Variants in AMMECR1L observed in about 807,000 individuals in gnomAD.
AMMECR1L encodes AMMECR1-like protein.
A neutral mutation model predicts 36.8 loss-of-function variants in AMMECR1L; 4 were observed. The ratio of observed to expected loss-of-function variants is 0.11; its 90% CI spans 0.05 to 0.25. The LOEUF (loss-of-function observed/expected upper bound fraction) is 0.25, where lower values mean the gene tolerates loss of function less well. AMMECR1L is among the 10% of genes least tolerant of loss of function. The pLI, the probability that AMMECR1L is intolerant of heterozygous loss-of-function variation, is 1.00. For missense variants in AMMECR1L, 232 were observed against 392.1 expected (o/e 0.59, Z 3.45); for synonymous variants, 147 against 148.0 (o/e 0.99, Z 0.05).
intron 5 of AMMECR1L, among the ~76,000 whole-genome samples, chr2:127,870,581 T>C (rs1190573173): frequency 6.6e-6 from 1 of 152,106 alleles, no homozygotes; most frequent in Non-Finnish European, 1.5e-5. Flanking sequence ...GGGAGAAGGA[T>C]GTAAACCAAG....
intron 3 of AMMECR1L, among the ~76,000 whole-genome samples, chr2:127,872,081 C>T (rs1690998757): frequency 6.6e-6 from 1 of 150,988 alleles, no homozygotes; most frequent in South Asian, 2.1e-4. Flanking sequence ...CTCAGCTACT[C>T]GGGAGGCTGA....
rs779944785 is a variant in AMMECR1L, at chr2:127,874,115, A to C, written c.120T>G (p.Thr40=). ...GAGGTCCTGAACTAGAGCCGGGGAC[A>C]GTTGTGGACTGATTCCCGTGACTGT... ...GTHSHGNQST[T]VPGSSSGPLQ... The change falls in exon 3 of 8, where the codon ACT becomes ACG. Residue 40 remains threonine (T), a synonymous_variant. Transcript: ENST00000272647. The surrounding 1 kb of genome is among the most constrained non-coding windows in gnomAD (Gnocchi z 5.2). 14 of 1,614,060 alleles carry C rather than the reference A, an allele frequency of 8.7e-6. No homozygotes were observed. The highest frequency in any genetic ancestry group is 1.1e-5 in the Non-Finnish European group (13 of 1,180,046).
In AMMECR1L at chr2:127,865,189, C is replaced by T. The variant is rs765978994; in HGVS notation, c.838G>A (p.Val280Met). 3.7e-6 allele frequency: 6 copies of T among 1,612,310 alleles called. No individual in the cohort carries two copies. The African/African-American group carries it at 5.3e-5, about 14-fold the overall frequency. The change falls in exon 8 of 8, where the codon GTG becomes ATG. Residue 280 changes from valine (V) to methionine (M), a missense_variant. Physicochemically the swap from Val to Met is conservative, Grantham distance 21. Transcript: ENST00000272647. The surrounding 1 kb of genome is among the most constrained non-coding windows in gnomAD (Gnocchi z 5.4). ...ATATACTCTGCGTAACTGATTGTCA[C>T]CTTCTCACTTCGGTACCTGTATGAG... ...IKLTRYRSEK[V>M]TISYAEYIAS...
rs768501512 is a variant in AMMECR1L at position 127,884,325 on chromosome 2, T to C, written c.-148-13A>G. On this transcript the variant is annotated splice_polypyrimidine_tract_variant and intron_variant, in intron 1 of 7. Transcript: ENST00000272647. ...CTTCTTCCTGTACCTAAGACGGAAA[T>C]GCAGGTGCAGTGAACAAACACCCAG... 6.7e-6 allele frequency: 1 copy of C among 148,380 alleles called. No homozygotes were observed. The highest frequency in any genetic ancestry group is 2.5e-5 in the African/African-American group (1 of 39,900). The allele number at this position is 148,380 out of a possible 1,614,324, so 9.2% of individuals were successfully genotyped here. A position where few individuals can be genotyped will look rare whatever the true frequency, so the allele number is the denominator to read the frequency against.
chr2:127,874,564 G>A lies in AMMECR1L; in HGVS notation c.-38-292C>T, dbSNP rs1691139763. 6.6e-6 allele frequency among the ~76,000 whole-genome samples: 1 copy of A among 152,236 alleles called. No homozygotes were observed. The highest frequency in any genetic ancestry group is 1.5e-5 in the Non-Finnish European group (1 of 68,042). ...GACAGGGTGGGGCACCAGCCAGCGT[G>A]AAGCTGGCTGAGGACATTTCCAGAC... On this transcript the variant is annotated intron_variant, in intron 2 of 7. Coordinates refer to ENST00000272647, the MANE Select transcript of AMMECR1L (RefSeq NM_001199140.2). The surrounding 1 kb of genome is among the most constrained non-coding windows in gnomAD (Gnocchi z 5.2).
intron 5 of AMMECR1L, 95 bp downstream of exon 5, chr2:127,870,718 AT>A (rs1436134657): frequency 4.2e-6 from 4 of 943,328 alleles, no homozygotes; most frequent in Non-Finnish European, 4.7e-6. Flanking sequence ...TCACATTCTT[AT>A]ACCCTTTCTC....
In AMMECR1L at chr2:127,866,996, T is replaced by C. The variant is rs750232492; in HGVS notation, c.725A>G (p.Asp242Gly). Residue 242 changes from aspartate (D) to glycine (G), a missense_variant and splice_region_variant, in exon 7 of 8, where the codon GAC (aspartate) becomes GGC (glycine). Around this residue, in one of 3 missense-constraint regions of AMMECR1L, gnomAD observed 83 missense variants for 229.5 expected, o/e 0.36. Coordinates refer to ENST00000272647, the MANE Select transcript of AMMECR1L (RefSeq NM_001199140.2). ...GTCTATTGTCTGGATCTGATCCCAG[T>C]CTGGGGAGGAGAAAGGCCACACTGA... The part of the protein sequence containing the change: ...TYLPEVAKEQ[D>G]WDQIQTIDSL... 5.0e-6 allele frequency: 8 copies of C among 1,614,062 alleles called. No homozygotes were observed. In the Admixed American group the frequency reaches 1.3e-4, roughly 27 times the overall value.
rs1690529684 is a variant in AMMECR1L at position 127,862,927 on chromosome 2, G to T, written c.*2167C>A. On this transcript the variant is annotated 3_prime_UTR_variant, in exon 8 of 8. Coordinates refer to ENST00000272647, the MANE Select transcript of AMMECR1L (RefSeq NM_001199140.2). ...AAATAACATACCATACATTGGAGAA[G>T]ACAAATAGGGCAACATTTCTACAAG... is the stretch of plus-strand genomic sequence containing the variant. 6.6e-6 allele frequency: 1 copy of T among 152,526 alleles called. No homozygotes were observed. Among genetic ancestry groups the T allele is most frequent in the Non-Finnish European group, 1.5e-5 (1 of 68,028 alleles). The allele number at this position is 152,526 out of a possible 1,614,324, so 9.4% of individuals were successfully genotyped here. A position where few individuals can be genotyped will look rare whatever the true frequency, so the allele number is the denominator to read the frequency against.
chr2:127,872,784 T>C (rs1182371983), intron 3 of AMMECR1L, among the ~76,000 whole-genome samples: 1 of 152,180 alleles, frequency 6.6e-6, no homozygotes, highest in African/African-American at 2.4e-5. Context: ...TCTTCCAAAC[T>C]GCATCTCTCT....
chr2:127,877,051 A>T (rs970576521), intron 2 of AMMECR1L, among the ~76,000 whole-genome samples: 1 of 148,338 alleles, frequency 6.7e-6, no homozygotes, highest in African/African-American at 2.5e-5. Context: ...ATATATATAT[A>T]TATATGTACA....
In AMMECR1L at chr2:127,869,610, T is replaced by C; in HGVS notation, c.634-66A>G. The C allele has an allele frequency of 7.5e-7, 1 of 1,329,058 alleles. No homozygotes were observed. Among genetic ancestry groups the C allele is most frequent in the Non-Finnish European group, 1.1e-6 (1 of 922,310 alleles). The allele number at this position is 1,329,058 out of a possible 1,614,324, so 82.3% of individuals were successfully genotyped here. On this transcript the variant is annotated intron_variant, in intron 5 of 7. Coordinates refer to ENST00000272647, the MANE Select transcript of AMMECR1L (RefSeq NM_001199140.2). The surrounding 1 kb of genome is among the most constrained non-coding windows in gnomAD (Gnocchi z 4.7). The stretch of plus-strand genomic sequence containing the variant: ...CTCTAATGGAACTTCAGTCCCCACA[T>C]ATAAATCAACATTGTTCCCTGACCA...
Position 127,873,843 on chromosome 2 carries a change from A to G in AMMECR1L, c.392T>C (p.Phe131Ser). The G allele has an allele frequency of 6.2e-7, 1 of 1,614,080 alleles. No individual in the cohort carries two copies. The highest frequency in any genetic ancestry group is 2.2e-5 in the East Asian group (1 of 44,890). The change falls in exon 3 of 8, where the codon TTC (phenylalanine) becomes TCC (serine). Residue 131 changes from phenylalanine to serine, a missense_variant. Physicochemically the swap from Phe to Ser is radical, Grantham distance 155 (BLOSUM62 -2). Coordinates refer to ENST00000272647, the MANE Select transcript of AMMECR1L (RefSeq NM_001199140.2). This position sits in a 1 kb window ranked among gnomAD's most constrained non-coding sequence, Gnocchi z 5.2. ...ATTTACTCACTAGGGGTCATTGGTG[A>G]ATCTAGGAAGTCGTGGCTGTGGGAA... ...YGFPQPRLPR[F>S]TNDPYPLFVT...
chr2:127,865,219 C>T lies in AMMECR1L; in HGVS notation c.822-14G>A, dbSNP rs1690630485. On this transcript the variant is annotated splice_polypyrimidine_tract_variant and intron_variant, in intron 7 of 7. Coordinates refer to ENST00000272647, the MANE Select transcript of AMMECR1L (RefSeq NM_001199140.2). The surrounding 1 kb of genome is among the most constrained non-coding windows in gnomAD (Gnocchi z 5.4). ...TCACTTCGGTACCTGTATGAGGAAA[C>T]AGGAAAGGGTATTAGGAACCCCAAA... 6.3e-7 allele frequency: 1 copy of T among 1,597,396 alleles called. No individual in the cohort carries two copies. Among genetic ancestry groups the T allele is most frequent in the Non-Finnish European group, 8.6e-7 (1 of 1,167,978 alleles).
intron 7 of AMMECR1L, 93 bp downstream of exon 7, chr2:127,866,807 C>G (rs1690706190): frequency 8.2e-7 from 1 of 1,226,578 alleles, no homozygotes; most frequent in African/African-American, 1.5e-5. Context: ...TAGGGACATT[C>G]ACAGAGAACA....
chr2:127,872,118 G>T (rs1691001700), intron 3 of AMMECR1L, among the ~76,000 whole-genome samples: 1 of 147,380 alleles, frequency 6.8e-6, no homozygotes, highest in African/African-American at 2.5e-5. Context: ...GATCCTGAAA[G>T]GCAGAGGTTG....
intron 2 of AMMECR1L, among the ~76,000 whole-genome samples, chr2:127,876,483 C>G (rs1691251442): frequency 6.6e-6 from 1 of 151,924 alleles, no homozygotes; most frequent in South Asian, 2.1e-4. Context: ...GTCTTACATA[C>G]TCAATATAAT....
In AMMECR1L at chr2:127,871,551, A is replaced by C. The variant is rs1363160837; in HGVS notation, c.408-192T>G. Among the ~76,000 whole-genome samples, 1 of 152,220 alleles carries C rather than the reference A, an allele frequency of 6.6e-6. No homozygotes were observed. The highest frequency in any genetic ancestry group is 1.9e-4 in the East Asian group (1 of 5,192). ...CCTGGCTGGAAACGGGAAACCTACA[A>C]GGCAGCATAAGGAAAGGCTCCGTGT... is the stretch of plus-strand genomic sequence containing the variant. On this transcript the variant is annotated intron_variant, in intron 3 of 7. Transcript: ENST00000272647. This position sits in a 1 kb window ranked among gnomAD's most constrained non-coding sequence, Gnocchi z 4.3.
intron 5 of AMMECR1L, among the ~76,000 whole-genome samples, chr2:127,870,227 A>G (rs1012598526): frequency 6.2e-5 from 2 of 32,162 alleles, no homozygotes; most frequent in Non-Finnish European, 1.2e-4. Context: ...AGGCAGAAGA[A>G]TCACTTGAAC....
chr2:127,883,355 A>C (rs1691605752), intron 2 of AMMECR1L, among the ~76,000 whole-genome samples: 1 of 152,146 alleles, frequency 6.6e-6, no homozygotes, highest in Non-Finnish European at 1.5e-5. Flanking sequence ...TCGGCCTCCC[A>C]AAGTGCTGGG....
Sources: allele counts gnomAD v4.1 joint callset (sites outside exome capture counted in the v4.1 genomes callset), GRCh38; gene constraint gnomAD v4.1.1; regional missense constraint gnomAD v4.1.1; non-coding constraint Gnocchi (gnomAD v3.1); transcripts MANE v1.5; gene names NCBI Gene and HGNC (gene_info 2026-07-23, HGNC 2026-07-21).